The following OR2M2 variants were observed in gnomAD, a reference collection of about 807,000 sequenced individuals.
OR2M2 encodes olfactory receptor family 2 subfamily M member 2.
For missense variants in OR2M2, 467 were observed against 429.9 expected (o/e 1.09, Z -0.76); for synonymous variants, 168 against 151.7 (o/e 1.11, Z -0.79).
chr1:248,178,416 T>G (rs1410620106), intron 1 of OR2M2, among the ~76,000 whole-genome samples: 1 of 152,184 alleles, frequency 6.6e-6, no homozygotes, highest in Non-Finnish European at 1.5e-5. Context: ...TATAATTATC[T>G]CATACGATAA....
chr1:248,179,890 G>A (rs1665904383), intron 1 of OR2M2, 78 bp from the exon 2 acceptor site: 1 of 1,397,876 alleles, frequency 7.2e-7, no homozygotes, highest in Non-Finnish European at 9.8e-7. Context: ...CCCAACTACA[G>A]AATTTACCAA....
chr1:248,178,507 C>G (rs1157202313), intron 1 of OR2M2, among the ~76,000 whole-genome samples: 1 of 152,148 alleles, frequency 6.6e-6, no homozygotes, highest in Non-Finnish European at 1.5e-5. Context: ...CTATACATTT[C>G]TATTTTCTCT....
At position 248,180,083 on chromosome 1, in the gene OR2M2, G is replaced by T; in HGVS notation, c.98G>T (p.Gly33Val). Residue 33 changes from glycine (G) to valine (V), a missense_variant, in exon 2 of 2, where the codon GGC becomes GTC. Transcript: ENST00000641836. ...PHTFLFFLVL[G>V]IFLVAFMGNS... Reference sequence around the variant, plus strand: ...ACGTTCCTCTTCTTTCTGGTCCTGGGCATCTTTTTAGTGGCCTTCATGGGA... The same window carrying T: ...ACGTTCCTCTTCTTTCTGGTCCTGGTCATCTTTTTAGTGGCCTTCATGGGA... 1 of 1,613,964 alleles carries T rather than the reference G, an allele frequency of 6.2e-7. No homozygotes were observed. Among genetic ancestry groups the T allele is most frequent in the Non-Finnish European group, 8.5e-7 (1 of 1,179,952 alleles).
At position 248,180,853 on chromosome 1, in the gene OR2M2, T is replaced by C. The variant is rs567189921; in HGVS notation, c.868T>C (p.Tyr290His). The change falls in exon 2 of 2, where the codon TAC becomes CAC. Residue 290 changes from tyrosine (Y) to histidine (H), a missense_variant. By Grantham distance (83) the Tyr-to-His change is moderately conservative. Transcript: ENST00000641836. ...ILTPMLNPLI[Y>H]SLRNKEVTRA... is the part of the protein sequence containing the mutation. ...CACTCCCATGCTGAATCCCCTCATC[T>C]ACAGCCTCCGCAACAAGGAGGTGAC... is the stretch of plus-strand genomic sequence containing the variant. 2 of 1,614,092 alleles carry C rather than the reference T, an allele frequency of 1.2e-6. No homozygotes were observed. The highest frequency in any genetic ancestry group is 1.7e-5 in the Admixed American group (1 of 60,002).
At position 248,174,849 on chromosome 1, in the gene OR2M2, A is replaced by G. The variant is rs912150638; in HGVS notation, c.-41A>G. 2 of 152,132 alleles carry G rather than the reference A, an allele frequency of 1.3e-5. No individual in the cohort carries two copies. The highest frequency in any genetic ancestry group is 4.8e-5 in the African/African-American group (2 of 41,432). 9.4% of individuals were successfully genotyped at this position (152,132 alleles called of 1,614,324 possible). On this transcript the variant is annotated 5_prime_UTR_variant, in exon 1 of 2. Coordinates refer to ENST00000641836, the MANE Select transcript of OR2M2 (RefSeq NM_001004688.2). ...ACCTAAAATCACATTGAAAATACAC[A>G]CTATTCAGATCAGTACTAAGAGGTA...
rs1288837740 is a variant in OR2M2, at chr1:248,180,367, C to T, written c.382C>T (p.His128Tyr). 2 of 1,613,954 alleles carry T rather than the reference C, an allele frequency of 1.2e-6. No homozygotes were observed. Among genetic ancestry groups the T allele is most frequent in the East Asian group, 2.2e-5 (1 of 44,896 alleles). The change falls in exon 2 of 2, where the codon CAC becomes TAC. Residue 128 changes from histidine (H) to tyrosine (Y), a missense_variant. Transcript: ENST00000641836. ...MAYDRYIAIC[H>Y]PLRYTNLMNP... ...TTATGACCGCTATATTGCTATTTGC[C>T]ACCCTCTAAGATATACCAATCTCAT... is the stretch of plus-strand genomic sequence containing the variant.
chr1:248,175,950 T>C (rs1302639166), intron 1 of OR2M2, among the ~76,000 whole-genome samples: 1 of 152,102 alleles, frequency 6.6e-6, no homozygotes, highest in Non-Finnish European at 1.5e-5. Flanking sequence ...TGCTACTTCT[T>C]GTAGTTATGG....
At position 248,181,013 on chromosome 1, in the gene OR2M2, T is replaced by C. The variant is rs746364873; in HGVS notation, c.1028T>C (p.Ile343Thr). 2 of 1,603,430 alleles carry C rather than the reference T, an allele frequency of 1.2e-6. No homozygotes were observed. The highest frequency in any genetic ancestry group is 2.2e-5 in the South Asian group (2 of 90,310). Residue 343 changes from isoleucine (I) to threonine (T), a missense_variant, in exon 2 of 2, where the codon ATT becomes ACT. Transcript: ENST00000641836. ...TATGATGTCAAAATACTAGCATTGA[T>C]TATGTACATTGCCTAACATATTTAT... ...FFYDVKILALIMYIA is the reference protein window; with the variant it reads ...FFYDVKILALTMYIA
rs138266870 is a variant in OR2M2, at chr1:248,176,136, C to T, written c.-19+1265C>T. On this transcript the variant is annotated intron_variant, in intron 1 of 1. Transcript: ENST00000641836. ...TGGATTACACAGCGGATTACACATGCTGTCTGACATTATTTCACATAATGC... is the reference window on the plus strand; with the variant it reads ...TGGATTACACAGCGGATTACACATGTTGTCTGACATTATTTCACATAATGC... 2.8e-3 allele frequency among the ~76,000 whole-genome samples: 423 copies of T among 152,226 alleles called. 2 individuals are homozygous for T. Among genetic ancestry groups the T allele is most frequent in the African/African-American group, 9.5e-3 (394 of 41,540 alleles).
chr1:248,180,827 T>C lies in OR2M2; in HGVS notation c.842T>C (p.Leu281Pro). The C allele has an allele frequency of 6.2e-7, 1 of 1,614,040 alleles. No homozygotes were observed. Among genetic ancestry groups the C allele is most frequent in the South Asian group, 1.1e-5 (1 of 91,076 alleles). Residue 281 changes from leucine (L) to proline (P), a missense_variant, in exon 2 of 2, where the codon CTC becomes CCC. Leu to Pro is a moderately conservative substitution (Grantham distance 98). Coordinates refer to ENST00000641836, the MANE Select transcript of OR2M2 (RefSeq NM_001004688.2). ...ATGGTGTCTGTATTCTACACCATCC[T>C]CACTCCCATGCTGAATCCCCTCATC... is the stretch of plus-strand genomic sequence containing the variant. The part of the protein sequence containing the change: ...DKMVSVFYTI[L>P]TPMLNPLIYS...
At chr1:248,179,887 A>G (rs978529508) in intron 1 of OR2M2, 81 bp from the exon 2 acceptor site, 9 of 1,341,780 alleles carry the variant, frequency 6.7e-6, no homozygotes, top group Non-Finnish European at 9.3e-6. Flanking sequence ...TCACCCAACT[A>G]CAGAATTTAC....
intron 1 of OR2M2, among the ~76,000 whole-genome samples, chr1:248,178,956 C>A (rs920111133): frequency 6.6e-6 from 1 of 152,116 alleles, no homozygotes; most frequent in African/African-American, 2.4e-5. Context: ...CTAAGAATGC[C>A]AATACAGAGT....
intron 1 of OR2M2, among the ~76,000 whole-genome samples, chr1:248,176,740 C>G (rs993471105): frequency 3.3e-5 from 5 of 152,002 alleles, no homozygotes; most frequent in African/African-American, 1.2e-4. Context: ...GGAATATATA[C>G]AGATACCTCT....
chr1:248,178,851 C>T (rs992250764), intron 1 of OR2M2, among the ~76,000 whole-genome samples: 1 of 152,176 alleles, frequency 6.6e-6, no homozygotes, highest in Non-Finnish European at 1.5e-5. Context: ...CCAGACTTCA[C>T]AAGTGTTGTT....
In OR2M2 at chr1:248,180,211, A is replaced by T. The variant is rs1572781152; in HGVS notation, c.226A>T (p.Thr76Ser). The T allele has an allele frequency of 1.5e-5, 24 of 1,614,114 alleles. No homozygotes were observed. In the African/African-American group the frequency reaches 1.6e-4, roughly 11 times the overall value. Reference sequence around the variant, plus strand: ...CCTCATGGACCTCATGCTCATCTGCACCACCGTACCCAAGATGGCCTTCAA... The same window carrying T: ...CCTCATGGACCTCATGCTCATCTGCTCCACCGTACCCAAGATGGCCTTCAA... Reference protein sequence around the residue: ...LSLMDLMLICTTVPKMAFNYL... With the variant: ...LSLMDLMLICSTVPKMAFNYL... The change falls in exon 2 of 2, where the codon ACC becomes TCC. Residue 76 changes from threonine (T) to serine (S), a missense_variant. Thr to Ser is a moderately conservative substitution (Grantham distance 58, BLOSUM62 1). Transcript: ENST00000641836.
Position 248,178,247 on chromosome 1 carries a change from T to G in OR2M2, c.-18-1721T>G, listed in dbSNP as rs147804584. On this transcript the variant is annotated intron_variant, in intron 1 of 1. Coordinates refer to ENST00000641836, the MANE Select transcript of OR2M2 (RefSeq NM_001004688.2). ...TCCTGGTTTATTCAGCTTTCATTGT[T>G]GTTTTTAGTCTCTTCATAAAAATGT... is the stretch of plus-strand genomic sequence containing the variant. Among the ~76,000 whole-genome samples, 246 of 152,270 alleles carry G rather than the reference T, an allele frequency of 1.6e-3. 1 individual carries two copies. Among genetic ancestry groups the G allele is most frequent in the African/African-American group, 5.7e-3 (237 of 41,556 alleles).
rs1665925497 is a variant in OR2M2, at chr1:248,180,840, G to T, written c.855G>T (p.Leu285=). 1.9e-6 allele frequency: 3 copies of T among 1,613,928 alleles called. No individual in the cohort carries two copies. Among genetic ancestry groups the T allele is most frequent in the Admixed American group, 1.7e-5 (1 of 59,998 alleles). The change falls in exon 2 of 2, where the codon CTG becomes CTT. Residue 285 remains leucine, a synonymous_variant. Coordinates refer to ENST00000641836, the MANE Select transcript of OR2M2 (RefSeq NM_001004688.2). ...SVFYTILTPM[L]NPLIYSLRNK... Reference sequence around the variant, plus strand: ...TCTACACCATCCTCACTCCCATGCTGAATCCCCTCATCTACAGCCTCCGCA... The same window carrying T: ...TCTACACCATCCTCACTCCCATGCTTAATCCCCTCATCTACAGCCTCCGCA...
chr1:248,175,656 A>G (rs115661113), intron 1 of OR2M2, among the ~76,000 whole-genome samples: 2,136 of 152,242 alleles, frequency 0.014, 60 homozygotes, highest in African/African-American at 0.048. Flanking sequence ...TATTATTTAA[A>G]TATTTTATTA....
intron 1 of OR2M2, 34 bp from the exon 2 acceptor site, chr1:248,179,934 T>C: frequency 6.4e-7 from 1 of 1,552,750 alleles, no homozygotes; most frequent in Non-Finnish European, 8.7e-7. Flanking sequence ...GGGTAAATGT[T>C]TACCAAATTA....
Sources: allele counts gnomAD v4.1 joint callset (sites outside exome capture counted in the v4.1 genomes callset), GRCh38; gene constraint gnomAD v4.1.1; transcripts MANE v1.5; gene names NCBI Gene and HGNC (gene_info 2026-07-23, HGNC 2026-07-21).